The following DPP10 variants were observed in gnomAD, a reference collection of about 807,000 sequenced individuals.
The protein encoded by DPP10 is inactive dipeptidyl peptidase 10.
A neutral mutation model predicts 120.9 loss-of-function variants in DPP10; 33 were observed. That is an observed-to-expected ratio of 0.27 (90% confidence interval 0.21 to 0.37). DPP10 has a LOEUF of 0.37. DPP10 is among the 10% of genes least tolerant of loss of function. The probability of loss-of-function intolerance (pLI) is 1.00; values close to 1 mark genes in which losing one functional copy is unlikely to be tolerated. For synonymous variants in DPP10, 337 were observed against 326.1 expected, an observed-to-expected ratio of 1.03 and a Z score of -0.36; for missense variants, 816 against 942.8, an observed-to-expected ratio of 0.87 and a Z score of 1.76.
intron 1 of DPP10, among the ~76,000 whole-genome samples, chr2:114,663,671 A>ATG (rs1341152871): frequency 7.1e-6 from 1 of 139,914 alleles, no homozygotes; most frequent in African/African-American, 2.7e-5. Flanking sequence ...ATATATATAG[A>ATG]GAGAGAGAGA....
At chr2:115,426,439 CG>C (rs2104731251) in intron 3 of DPP10, among the ~76,000 whole-genome samples, 1 of 46,870 alleles carries the variant, frequency 2.1e-5, no homozygotes, top group Non-Finnish European at 4.0e-5. Context: ...GTGCCACCTC[CG>C]ACGCTGGAGA....
chr2:114,924,876 G>A (rs1263640072), intron 1 of DPP10, among the ~76,000 whole-genome samples: 1 of 152,128 alleles, frequency 6.6e-6, no homozygotes, highest in East Asian at 1.9e-4. Context: ...ATTCAAAAGA[G>A]CAGTGCTTTT....
chr2:114,836,758 G>A (rs539857018), intron 1 of DPP10, among the ~76,000 whole-genome samples: 140 of 152,232 alleles, frequency 9.2e-4, no homozygotes, highest in African/African-American at 3.3e-3. Flanking sequence ...GGAGACTGGG[G>A]CTTATTTCAT....
intron 1 of DPP10, among the ~76,000 whole-genome samples, chr2:114,731,485 C>T (rs939309905): frequency 2.0e-5 from 3 of 152,056 alleles, no homozygotes; most frequent in Non-Finnish European, 4.4e-5. Flanking sequence ...TTACAGTGTA[C>T]CTTCCGTGGG....
chr2:115,682,434 A>C (rs2090724632), intron 5 of DPP10, among the ~76,000 whole-genome samples: 1 of 151,924 alleles, frequency 6.6e-6, no homozygotes, highest in South Asian at 2.1e-4. Flanking sequence ...GAAAAATGGA[A>C]CATCTTTGAA....
intron 1 of DPP10, among the ~76,000 whole-genome samples, chr2:114,990,499 T>G (rs1350048410): frequency 6.6e-6 from 1 of 152,210 alleles, no homozygotes; most frequent in Non-Finnish European, 1.5e-5. Context: ...AGATTCCTTT[T>G]TTTCCATGTT....
chr2:114,505,750 T>C (rs1335491330), intron 1 of DPP10, among the ~76,000 whole-genome samples: 1 of 152,206 alleles, frequency 6.6e-6, no homozygotes, highest in Non-Finnish European at 1.5e-5. Flanking sequence ...CTGTTCTCTC[T>C]GCCACTCTGC....
intron 1 of DPP10, among the ~76,000 whole-genome samples, chr2:114,702,690 G>A (rs1379813074): frequency 6.6e-6 from 1 of 152,036 alleles, no homozygotes; most frequent in African/African-American, 2.4e-5. Context: ...TGATGCTGTG[G>A]TCTGCACACG....
intron 1 of DPP10, among the ~76,000 whole-genome samples, chr2:114,914,317 C>A (rs1694610860): frequency 6.6e-6 from 1 of 152,158 alleles, no homozygotes; most frequent in African/African-American, 2.4e-5. Flanking sequence ...AGAGAAGGGG[C>A]AGATCACGTA....
intron 1 of DPP10, among the ~76,000 whole-genome samples, chr2:115,164,349 T>C (rs1426207072): frequency 1.3e-5 from 2 of 152,016 alleles, no homozygotes. Context: ...TTAGTCATTA[T>C]GGTTTAATTC....
chr2:115,623,734 C>G lies in DPP10; in HGVS notation c.442-65953C>G, dbSNP rs576282433. Among the ~76,000 whole-genome samples the G allele has an allele frequency of 9.9e-5, 15 of 152,236 alleles. No homozygotes were observed. In the South Asian group the frequency reaches 1.7e-3, roughly 17 times the overall value. On this transcript the variant is annotated intron_variant, in intron 5 of 25. Transcript: ENST00000410059. Reference sequence around the variant, plus strand: ...GATCTGTAGTTCTGAGGAGGAGACTCTCCTCTTTGTATAATTTCTCAGAGC... The same window carrying G: ...GATCTGTAGTTCTGAGGAGGAGACTGTCCTCTTTGTATAATTTCTCAGAGC...
At chr2:115,585,127 A>G (rs2082211828) in intron 5 of DPP10, among the ~76,000 whole-genome samples, 1 of 152,196 alleles carries the variant, frequency 6.6e-6, no homozygotes. Context: ...GTAGTTAAGA[A>G]ATAATACTGA....
chr2:114,518,872 G>A (rs1467017453), intron 1 of DPP10, among the ~76,000 whole-genome samples: 1 of 152,208 alleles, frequency 6.6e-6, no homozygotes, highest in Non-Finnish European at 1.5e-5. Context: ...TTCAAACTGT[G>A]TTTCATGGAG....
chr2:114,874,429 G>T (rs1690978760), intron 1 of DPP10, among the ~76,000 whole-genome samples: 1 of 151,902 alleles, frequency 6.6e-6, no homozygotes, highest in Non-Finnish European at 1.5e-5. Context: ...GTGAAGCAGG[G>T]TTTTCTGCAG....
chr2:114,558,124 T>A (rs1688470118), intron 1 of DPP10, among the ~76,000 whole-genome samples: 1 of 152,202 alleles, frequency 6.6e-6, no homozygotes, highest in South Asian at 2.1e-4. Context: ...TAAACACTTC[T>A]AATGTAGTAT....
intron 7 of DPP10, among the ~76,000 whole-genome samples, chr2:115,699,175 C>T (rs776650392): frequency 4.0e-5 from 6 of 151,680 alleles, no homozygotes; most frequent in East Asian, 3.9e-4. Flanking sequence ...ATAACCTAGA[C>T]GAAATGAAGA....
Position 114,931,535 on chromosome 2 carries a change from A to G in DPP10, c.61-377704A>G, listed in dbSNP as rs144625896. Reference sequence around the variant, plus strand: ...AGTCATTCCTGGGGTGTCCGCCCCAATGACTGAAACACCTCCCATTTGGCC... The same window carrying G: ...AGTCATTCCTGGGGTGTCCGCCCCAGTGACTGAAACACCTCCCATTTGGCC... On this transcript the variant is annotated intron_variant, in intron 1 of 25. Coordinates refer to ENST00000410059, the MANE Select transcript of DPP10 (RefSeq NM_020868.6). Among the ~76,000 whole-genome samples, 124 of 152,310 alleles carry G rather than the reference A, an allele frequency of 8.1e-4. 2 individuals carry two copies. Among genetic ancestry groups the G allele is most frequent in the Middle Eastern group, 6.8e-3 (2 of 294 alleles).
chr2:115,006,260 A>G (rs1014685188), intron 1 of DPP10, among the ~76,000 whole-genome samples: 4 of 152,156 alleles, frequency 2.6e-5, no homozygotes, highest in Non-Finnish European at 5.9e-5. Context: ...ACACTGCAAA[A>G]TCATGTCAAA....
At chr2:114,478,294 A>G (rs1488100660) in intron 1 of DPP10, among the ~76,000 whole-genome samples, 1 of 152,068 alleles carries the variant, frequency 6.6e-6, no homozygotes, top group Non-Finnish European at 1.5e-5. Flanking sequence ...TCCTCTTATC[A>G]ACAGGGTAGG....
Sources: gnomAD v4.1 joint callset for allele counts (sites outside exome capture counted in the v4.1 genomes callset) on GRCh38, gnomAD v4.1.1 for gene constraint, MANE v1.5 for transcripts, NCBI Gene and HGNC (gene_info 2026-07-23, HGNC 2026-07-21) for gene names.